The following TSPAN2 variants were observed in gnomAD, a reference collection of about 807,000 sequenced individuals.
TSPAN2 encodes the protein tetraspanin 2, also known as tetraspanin-2.
A neutral mutation model predicts 33.3 loss-of-function variants in TSPAN2; 24 were observed. That is an observed-to-expected ratio of 0.72 (90% CI 0.52 to 1.01). The LOEUF (loss-of-function observed/expected upper bound fraction) is 1.01. Ranked by LOEUF, TSPAN2 falls within the 50% of genes least tolerant of loss-of-function variation. TSPAN2 has a pLI of 0.00. For synonymous variants in TSPAN2, 114 were observed against 104.5 expected, an observed-to-expected ratio of 1.09 and a Z score of -0.56; for missense variants, 278 against 281.3, an observed-to-expected ratio of 0.99 and a Z score of 0.08.
chr1:115,078,247 A>G (rs939595549), intron 1 of TSPAN2, among the ~76,000 whole-genome samples: 1 of 152,170 alleles, frequency 6.6e-6, no homozygotes, highest in Non-Finnish European at 1.5e-5. Context: ...AATGTTTTCT[A>G]CTTAAATATG....
At chr1:115,056,517 G>C (rs565711140) in intron 6 of TSPAN2, among the ~76,000 whole-genome samples, 1 of 152,142 alleles carries the variant, frequency 6.6e-6, no homozygotes, top group East Asian at 1.9e-4. Context: ...TGCTTACGCT[G>C]GTCTCTCGGC....
rs1423513167 is a variant in TSPAN2, at chr1:115,068,968, T to C, written c.172+3937A>G. Among the ~76,000 whole-genome samples the C allele has an allele frequency of 2.0e-5, 3 of 152,204 alleles. No individual in the cohort carries two copies. In the East Asian group the frequency reaches 5.8e-4, roughly 29 times the overall value. On this transcript the variant is annotated intron_variant, in intron 2 of 7. Transcript: ENST00000369516. Reference sequence around the variant, plus strand: ...CAGGCCAAGCCCCACCAGGAGGAGCTGGGAAGCCCTGGCTGACTGCCAGCC... The same window carrying C: ...CAGGCCAAGCCCCACCAGGAGGAGCCGGGAAGCCCTGGCTGACTGCCAGCC...
chr1:115,079,477 G>A (rs866852461), intron 1 of TSPAN2, among the ~76,000 whole-genome samples: 2 of 152,276 alleles, frequency 1.3e-5, no homozygotes, highest in South Asian at 4.2e-4. Flanking sequence ...AAGCACATTT[G>A]CTCTGGAAGA....
chr1:115,084,748 G>C (rs928003451), intron 1 of TSPAN2, among the ~76,000 whole-genome samples: 6 of 152,162 alleles, frequency 3.9e-5, no homozygotes, highest in African/African-American at 1.4e-4. Flanking sequence ...AATAAGTTTG[G>C]GAAAGAGTGG....
chr1:115,067,129 G>A (rs1265723955), intron 2 of TSPAN2, among the ~76,000 whole-genome samples: 3 of 152,148 alleles, frequency 2.0e-5, no homozygotes, highest in Non-Finnish European at 2.9e-5. Context: ...CTTGTGAGGG[G>A]AAAAATTGGA....
At chr1:115,089,315 CGCCA>C in intron 1 of TSPAN2, 45 bp downstream of exon 1, 94 of 1,434,826 alleles carry the variant, frequency 6.6e-5, no homozygotes, top group Non-Finnish European at 8.0e-5. Context: ...GCCCCGCGCC[CGCCA>C]CCCGGCCCCC....
chr1:115,062,309 G>T, intron 2 of TSPAN2, 77 bp from the exon 3 acceptor site: 2 of 1,051,110 alleles, frequency 1.9e-6, no homozygotes, highest in Non-Finnish European at 2.9e-6. Context: ...AAGACTCTGG[G>T]CACTGCAGAG....
intron 7 of TSPAN2, among the ~76,000 whole-genome samples, 159 bp downstream of exon 7, chr1:115,053,220 A>G (rs1306080148): frequency 6.6e-6 from 1 of 152,256 alleles, no homozygotes; most frequent in Non-Finnish European, 1.5e-5. Context: ...TAATATATTT[A>G]TGAGCTTTGT....
chr1:115,068,071 C>G (rs984258810), intron 2 of TSPAN2, among the ~76,000 whole-genome samples: 3 of 152,216 alleles, frequency 2.0e-5, no homozygotes, highest in Non-Finnish European at 4.4e-5. Flanking sequence ...GCCAGGTCCT[C>G]TCTTCTACCC....
chr1:115,066,609 G>C (rs1647960973), intron 2 of TSPAN2, among the ~76,000 whole-genome samples: 1 of 152,114 alleles, frequency 6.6e-6, no homozygotes, highest in African/African-American at 2.4e-5. Context: ...CCCCTTTTAG[G>C]GACTGGACGT....
intron 1 of TSPAN2, among the ~76,000 whole-genome samples, chr1:115,083,343 C>T (rs1030652778): frequency 1.3e-5 from 2 of 152,194 alleles, no homozygotes; most frequent in African/African-American, 4.8e-5. Context: ...GAACAATGGA[C>T]AGGTGGCCTC....
At chr1:115,051,734 A>AG (rs1308114979) in intron 7 of TSPAN2, among the ~76,000 whole-genome samples, 1 of 152,166 alleles carries the variant, frequency 6.6e-6, no homozygotes, top group South Asian at 2.1e-4. Flanking sequence ...TTGAAAAGGG[A>AG]GGGGCAGAAG....
At chr1:115,060,042 G>T (rs1166292837) in intron 4 of TSPAN2, among the ~76,000 whole-genome samples, 1 of 152,168 alleles carries the variant, frequency 6.6e-6, no homozygotes, top group African/African-American at 2.4e-5. Flanking sequence ...CTAGCCCACA[G>T]CAGTGTAGGC....
intron 1 of TSPAN2, among the ~76,000 whole-genome samples, chr1:115,084,440 G>A (rs571097924): frequency 6.6e-6 from 1 of 152,108 alleles, no homozygotes; most frequent in African/African-American, 2.4e-5. Context: ...GAACTGCCAC[G>A]CTGCATAGGT....
chr1:115,081,093 A>T (rs1398286169), intron 1 of TSPAN2, among the ~76,000 whole-genome samples: 1 of 152,264 alleles, frequency 6.6e-6, no homozygotes, highest in South Asian at 2.1e-4. Flanking sequence ...TAGATTAGAA[A>T]AGCCAAAACA....
intron 2 of TSPAN2, among the ~76,000 whole-genome samples, chr1:115,062,893 A>C (rs926073295): frequency 3.9e-5 from 6 of 152,140 alleles, no homozygotes; most frequent in Admixed American, 1.3e-4. Context: ...GGCAGTTTAC[A>C]GACCTAGTAG....
rs570358285 is a variant in TSPAN2 at position 115,076,007 on chromosome 1, T to C, written c.70-3000A>G. The stretch of plus-strand genomic sequence containing the variant: ...ACGATGATGAAAAAGACATGGTTCA[T>C]AGTCTAATGTGGTAGATAGTCACAT... On this transcript the variant is annotated intron_variant, in intron 1 of 7. Transcript: ENST00000369516. 1.3e-4 allele frequency among the ~76,000 whole-genome samples: 19 copies of C among 148,772 alleles called. No individual in the cohort carries two copies. The East Asian group carries it at 3.7e-3, about 29-fold the overall frequency.
intron 7 of TSPAN2, 95 bp downstream of exon 7, chr1:115,053,284 C>G: frequency 2.8e-6 from 3 of 1,077,946 alleles, no homozygotes; most frequent in Non-Finnish European, 2.8e-6. Context: ...TATGAGAATT[C>G]TCTCTTAAGA....
chr1:115,083,214 T>A (rs1648696036), intron 1 of TSPAN2, among the ~76,000 whole-genome samples: 2 of 152,234 alleles, frequency 1.3e-5, no homozygotes, highest in African/African-American at 4.8e-5. Flanking sequence ...AGGGAGCAGC[T>A]TCGCGATATT....
Sources: allele counts gnomAD v4.1 joint callset (sites outside exome capture counted in the v4.1 genomes callset), GRCh38; gene constraint gnomAD v4.1.1; transcripts MANE v1.5; gene names NCBI Gene and HGNC (gene_info 2026-07-23, HGNC 2026-07-21).